Variants in EFHC1 observed in about 807,000 individuals in gnomAD.
EFHC1 encodes the protein EF-hand domain containing 1.
EFHC1 carries 53 observed loss-of-function variants against 69.9 expected under a neutral mutation model. The observed-to-expected ratio is 0.76, with a 90% CI of 0.61 to 0.95. The LOEUF is 0.95. Among genes scored for constraint, EFHC1 ranks in the 40% least tolerant of loss-of-function variants. The pLI is 0.00. For missense variants in EFHC1, 739 were observed against 798.7 expected (o/e 0.93, Z 0.90); for synonymous variants, 256 against 278.4 (o/e 0.92, Z 0.80).
chr6:52,438,015 A>C (rs1010944651), intron 2 of EFHC1, among the ~76,000 whole-genome samples: 7 of 152,242 alleles, frequency 4.6e-5, no homozygotes, highest in Admixed American at 3.9e-4. Context: ...TTAAATTTTT[A>C]TAATTTCCAT....
At chr6:52,443,945 G>T (rs1178124778) in intron 3 of EFHC1, among the ~76,000 whole-genome samples, 4 of 152,134 alleles carry the variant, frequency 2.6e-5, no homozygotes, top group Non-Finnish European at 5.9e-5. Flanking sequence ...CCATTTGTTT[G>T]TGTCCTCTTT....
chr6:52,452,972 ACTGT>A, intron 4 of EFHC1, 135 bp downstream of exon 4: 1 of 1,582,320 alleles, frequency 6.3e-7, no homozygotes, highest in South Asian at 1.1e-5. Context: ...TGGACACAGT[ACTGT>A]CTTTCTGCTT....
At chr6:52,460,816 C>T (rs1765148274) in intron 5 of EFHC1, among the ~76,000 whole-genome samples, 1 of 152,180 alleles carries the variant, frequency 6.6e-6, no homozygotes, top group South Asian at 2.1e-4. Flanking sequence ...ATTTTACTAA[C>T]AGCAGACCTT....
intron 1 of EFHC1, 39 bp from the exon 2 acceptor site, chr6:52,423,907 T>C (rs1030263743): frequency 1.2e-6 from 2 of 1,612,400 alleles, no homozygotes; most frequent in South Asian, 2.2e-5. Context: ...AACAAATATT[T>C]GTCTAATGTT....
intron 9 of EFHC1, among the ~76,000 whole-genome samples, chr6:52,480,649 G>A (rs1012564173): frequency 2.6e-5 from 4 of 152,186 alleles, no homozygotes; most frequent in Non-Finnish European, 4.4e-5. Context: ...AGGGTAGGTG[G>A]TTGTACCTTG....
At chr6:52,449,878 G>T (rs1466373109) in intron 3 of EFHC1, among the ~76,000 whole-genome samples, 6 of 152,106 alleles carry the variant, frequency 3.9e-5, no homozygotes, top group Non-Finnish European at 1.5e-5. Context: ...TCTTGCTTCT[G>T]TAGTTCTTTC....
rs766555611 is a variant in EFHC1, at chr6:52,492,420, C to G, written c.*79C>G. ...ATACACCTTACACTCTTCATAGAGG[C>G]ATTTACAGGGTTCCTGAAGTTTTAT... On this transcript the variant is annotated 3_prime_UTR_variant, in exon 11 of 11. Transcript: ENST00000371068. 7.3e-7 allele frequency: 1 copy of G among 1,373,398 alleles called. No individual in the cohort carries two copies. Among genetic ancestry groups the G allele is most frequent in the African/African-American group, 1.4e-5 (1 of 70,058 alleles). The allele number at this position is 1,373,398 out of a possible 1,614,324, so 85.1% of individuals were successfully genotyped here. A position where few individuals can be genotyped will look rare whatever the true frequency, so the allele number is the denominator to read the frequency against.
chr6:52,457,907 C>A (rs931885074), intron 5 of EFHC1, among the ~76,000 whole-genome samples: 1 of 152,224 alleles, frequency 6.6e-6, no homozygotes, highest in South Asian at 2.1e-4. Context: ...TAATATTAAT[C>A]GAACATCCAT....
intron 3 of EFHC1, among the ~76,000 whole-genome samples, chr6:52,441,425 T>C (rs1764661464): frequency 6.6e-6 from 1 of 152,180 alleles, no homozygotes; most frequent in African/African-American, 2.4e-5. Flanking sequence ...TGTGTAGCCT[T>C]ATTTCTGAGC....
rs1242158553 is a variant in EFHC1, at chr6:52,495,338, T to C, written c.*2997T>C. ...CTTTTAAAGTATACCCTCACTTAGCTTGCAGACCCAAGGCACTCCAGCCCC... is the reference window on the plus strand; with the variant it reads ...CTTTTAAAGTATACCCTCACTTAGCCTGCAGACCCAAGGCACTCCAGCCCC... On this transcript the variant is annotated 3_prime_UTR_variant, in exon 11 of 11. Transcript: ENST00000371068. 2.2e-6 allele frequency: 1 copy of C among 454,132 alleles called. No individual in the cohort carries two copies. The highest frequency in any genetic ancestry group is 2.0e-5 in the African/African-American group (1 of 50,138). The allele number at this position is 454,132 out of a possible 1,614,324, so 28.1% of individuals were successfully genotyped here.
In EFHC1 at chr6:52,476,437, GA is replaced by G. The variant is rs575246905; in HGVS notation, c.1279-2596del. 5.9e-3 allele frequency among the ~76,000 whole-genome samples: 892 copies of G among 152,284 alleles called. 7 individuals carry two copies. Among genetic ancestry groups the G allele is most frequent in the Non-Finnish European group, 0.01 (685 of 68,030 alleles). On this transcript the variant is annotated intron_variant, in intron 7 of 10. Coordinates refer to ENST00000371068, the MANE Select transcript of EFHC1 (RefSeq NM_018100.4). ...CAGCAATGGCTGCTAAAATTAGTGG[GA>G]AAACCTTTGAGGAGAAACAGGATTC...
At chr6:52,434,224 A>T (rs1379719379) in intron 2 of EFHC1, among the ~76,000 whole-genome samples, 1 of 152,180 alleles carries the variant, frequency 6.6e-6, no homozygotes, top group African/African-American at 2.4e-5. Context: ...TCAAATCATT[A>T]CACAGTTCAG....
rs1293817198 is a variant in EFHC1 at position 52,493,779 on chromosome 6, C to T, written c.*1438C>T. 8.8e-6 allele frequency: 4 copies of T among 454,068 alleles called. No individual in the cohort carries two copies. Among genetic ancestry groups the T allele is most frequent in the Non-Finnish European group, 1.8e-5 (4 of 226,784 alleles). The allele number at this position is 454,068 out of a possible 1,614,324, so 28.1% of individuals were successfully genotyped here. A position where few individuals can be genotyped will look rare whatever the true frequency, so the allele number is the denominator to read the frequency against. On this transcript the variant is annotated 3_prime_UTR_variant, in exon 11 of 11. Coordinates refer to ENST00000371068, the MANE Select transcript of EFHC1 (RefSeq NM_018100.4). ...CTGGCTTTTTACAAACAGGGCTTCT[C>T]TTTGGTTGAAGTCAGCCACTAAGTT...
rs1169224099 is a variant in EFHC1 at position 52,495,594 on chromosome 6, GTGTT to G, written c.*3259_*3262del. 1 of 453,812 alleles carries G rather than the reference GTGTT, an allele frequency of 2.2e-6. No homozygotes were observed. Among genetic ancestry groups the G allele is most frequent in the Non-Finnish European group, 4.4e-6 (1 of 226,744 alleles). 28.1% of individuals were successfully genotyped at this position (453,812 alleles called of 1,614,324 possible). A position where few individuals can be genotyped will look rare whatever the true frequency, so the allele number is the denominator to read the frequency against. ...CTTTTGGCTGTTTTGTTTTGTTTTT[GTGTT>G]TGTTTTTTAGAGACAGGGTCTTACT... On this transcript the variant is annotated 3_prime_UTR_variant, in exon 11 of 11. Transcript: ENST00000371068.
chr6:52,484,579 A>T (rs1765748299), intron 9 of EFHC1: 1 of 152,204 alleles, frequency 6.6e-6, no homozygotes, highest in Non-Finnish European at 1.5e-5. Context: ...GACCTTTGGA[A>T]AACTCCATTG....
intron 2 of EFHC1, among the ~76,000 whole-genome samples, chr6:52,428,395 G>C (rs1271165510): frequency 6.6e-6 from 1 of 151,468 alleles, no homozygotes; most frequent in Non-Finnish European, 1.5e-5. Flanking sequence ...TTATGCCTTT[G>C]CATCCTCATA....
intron 9 of EFHC1, chr6:52,485,885 C>T (rs114848261): frequency 6.6e-6 from 1 of 152,286 alleles, no homozygotes; most frequent in South Asian, 2.1e-4. Context: ...CATAGCAACA[C>T]AAATGGACTA....
At position 52,495,194 on chromosome 6, in the gene EFHC1, T is replaced by G. The variant is rs1158915793; in HGVS notation, c.*2853T>G. On this transcript the variant is annotated 3_prime_UTR_variant, in exon 11 of 11. Transcript: ENST00000371068. ...CCATGTTCTCACCCAGATGGCTCTC[T>G]TGGCTGTGTAATTAGGCAGCTCAAT... 1 of 454,128 alleles carries G rather than the reference T, an allele frequency of 2.2e-6. No individual in the cohort carries two copies. Among genetic ancestry groups the G allele is most frequent in the South Asian group, 1.6e-5 (1 of 64,476 alleles). The allele number at this position is 454,128 out of a possible 1,614,324, so 28.1% of individuals were successfully genotyped here. A position where few individuals can be genotyped will look rare whatever the true frequency, so the allele number is the denominator to read the frequency against.
chr6:52,438,279 T>C, intron 2 of EFHC1, 25 bp from the exon 3 acceptor site: 17 of 1,605,646 alleles, frequency 1.1e-5, no homozygotes, highest in Non-Finnish European at 1.2e-5. Flanking sequence ...TAGTACACCA[T>C]TTCTCCTTTC....
Sources: gnomAD v4.1 joint callset for allele counts (sites outside exome capture counted in the v4.1 genomes callset) on GRCh38, gnomAD v4.1.1 for gene constraint, MANE v1.5 for transcripts, NCBI Gene and HGNC (gene_info 2026-07-23, HGNC 2026-07-21) for gene names.